B3GALNT2: variants seen among roughly 807,000 people sequenced by gnomAD.
The protein encoded by B3GALNT2 is beta-1,3-N-acetylgalactosaminyltransferase 2, also known as UDP-GalNAc:beta-1,3-N-acetylgalactosaminyltransferase 2.
B3GALNT2 carries 53 observed loss-of-function variants against 61.1 expected under a neutral mutation model. That is an observed-to-expected ratio of 0.87 (90% CI 0.70 to 1.09). The LOEUF is 1.09. Among genes scored for constraint, B3GALNT2 ranks in the 50% least tolerant of loss-of-function variants. The pLI is 0.00. For synonymous variants in B3GALNT2, 223 were observed against 237.4 expected, an observed-to-expected ratio of 0.94 and a Z score of 0.56; for missense variants, 544 against 623.0, an observed-to-expected ratio of 0.87 and a Z score of 1.35.
At chr1:235,477,655 TAGCAG>T (rs1365823913) in intron 5 of B3GALNT2, among the ~76,000 whole-genome samples, 1 of 152,066 alleles carries the variant, frequency 6.6e-6, no homozygotes, top group Non-Finnish European at 1.5e-5. Flanking sequence ...GCAGGATGTT[TAGCAG>T]AATCCCTGTC....
rs1292144887 is a variant in B3GALNT2, at chr1:235,494,976, C to T, written c.113-148G>A. ...AAAGAATTTTTAAATCACATATGAA[C>T]CCACTATCCAGAGACAACCACTAAT... On this transcript the variant is annotated intron_variant, in intron 1 of 11. Transcript: ENST00000366600. 6 of 840,386 alleles carry T rather than the reference C, an allele frequency of 7.1e-6. No individual in the cohort carries two copies. In the South Asian group the frequency reaches 1.0e-4, roughly 14 times the overall value. 52.1% of individuals were successfully genotyped at this position (840,386 alleles called of 1,614,324 possible).
intron 1 of B3GALNT2, among the ~76,000 whole-genome samples, chr1:235,497,505 T>C (rs569035932): frequency 1.3e-5 from 2 of 152,364 alleles, no homozygotes; most frequent in Admixed American, 6.5e-5. Context: ...GCCTCATTTA[T>C]CTGACATCAT....
rs78566516 is a variant in B3GALNT2 at position 235,459,107 on chromosome 1, G to A, written c.842-321C>T. Among the ~76,000 whole-genome samples the A allele has an allele frequency of 2.5e-4, 38 of 151,628 alleles. No homozygotes were observed. In the East Asian group the frequency reaches 6.8e-3, roughly 27 times the overall value. ...ATTAATTACAGCATTGTTTGTAATT[G>A]TGGAAGAAAAATGGGACCAACCTAA... On this transcript the variant is annotated intron_variant, in intron 7 of 11. Coordinates refer to ENST00000366600, the MANE Select transcript of B3GALNT2 (RefSeq NM_152490.5).
chr1:235,473,497 G>C (rs865857981), intron 5 of B3GALNT2, among the ~76,000 whole-genome samples: 4 of 152,176 alleles, frequency 2.6e-5, no homozygotes, highest in African/African-American at 9.7e-5. Context: ...GGTTACCCAA[G>C]ATTAAAAATA....
In B3GALNT2 at chr1:235,489,170, G is replaced by A. The variant is rs750173247; in HGVS notation, c.359C>T (p.Pro120Leu). The A allele has an allele frequency of 5.0e-6, 8 of 1,613,582 alleles. No homozygotes were observed. In the South Asian group the frequency reaches 8.8e-5, roughly 18 times the overall value. The change falls in exon 3 of 12, where the codon CCA becomes CTA. Residue 120 changes from proline (P) to leucine (L), a missense_variant and splice_region_variant. Transcript: ENST00000366600. ...YSCKLLNITN[P>L]VLNQEIEAFS... ...AGTCAAGGGAAAAGATGACTTACCT[G>A]GATTTGTGATGTTGAGTAGTTTACA...
At chr1:235,458,498 A>G in intron 8 of B3GALNT2, 105 bp downstream of exon 8, 1 of 1,419,122 alleles carries the variant, frequency 7.0e-7, no homozygotes, top group Non-Finnish European at 9.2e-7. Context: ...CAGCCTAGGA[A>G]ACCCCTAGTA....
chr1:235,485,339 ACAGTCACC>A (rs1291413090), intron 3 of B3GALNT2, among the ~76,000 whole-genome samples: 1 of 152,170 alleles, frequency 6.6e-6, no homozygotes. Context: ...TTTTTTTGAG[ACAGTCACC>A]CAGTCACCCA....
intron 8 of B3GALNT2, among the ~76,000 whole-genome samples, chr1:235,457,111 AAAATAAAT>A (rs10668990): frequency 7.4e-5 from 11 of 149,350 alleles, no homozygotes; most frequent in East Asian, 2.0e-4. Flanking sequence ...TTTCTATTAA[AAAATAAAT>A]AAATAAATAA....
At chr1:235,442,796 T>C, downstream of B3GALNT2, 1 of 1,552,124 alleles carries the variant, frequency 6.4e-7, no homozygotes, top group Non-Finnish European at 8.8e-7. Context: ...GTGTGGATAA[T>C]TTAAATCCAT....
rs751975580 is a variant in B3GALNT2, at chr1:235,450,177, A to AT, written c.*28dup. ...CTCAGATTATCGTTTGCCTGCCCTG[A>AT]TTTTAGACTCTGCTAATTCAAGTCC... On this transcript the variant is annotated 3_prime_UTR_variant, in exon 12 of 12. Transcript: ENST00000366600. The AT allele has an allele frequency of 6.2e-7, 1 of 1,613,666 alleles. No individual in the cohort carries two copies. Among genetic ancestry groups the AT allele is most frequent in the Non-Finnish European group, 8.5e-7 (1 of 1,179,668 alleles).
intron 2 of B3GALNT2, among the ~76,000 whole-genome samples, chr1:235,493,150 T>C (rs1685159659): frequency 6.6e-6 from 1 of 151,832 alleles, no homozygotes. Context: ...CTAGATCAGA[T>C]GGCAGTGGTA....
At chr1:235,465,561 A>T (rs1167048606) in intron 7 of B3GALNT2, 75 bp downstream of exon 7, 1 of 1,553,610 alleles carries the variant, frequency 6.4e-7, no homozygotes, top group East Asian at 2.3e-5. Context: ...AAAAGAAAAA[A>T]TCCTTTTCTC....
chr1:235,494,937 G>T, intron 1 of B3GALNT2, 109 bp from the exon 2 acceptor site: 1 of 1,109,160 alleles, frequency 9.0e-7, no homozygotes, highest in Non-Finnish European at 1.2e-6. Context: ...AGGAAATTCA[G>T]ATAAACACAA....
intron 10 of B3GALNT2, among the ~76,000 whole-genome samples, chr1:235,453,481 A>T (rs1683023865): frequency 6.6e-6 from 1 of 151,072 alleles, no homozygotes; most frequent in Non-Finnish European, 1.5e-5. Flanking sequence ...TTTGAGACAG[A>T]GTGTCCCTCT....
At position 235,480,161 on chromosome 1, in the gene B3GALNT2, G is replaced by A. The variant is rs760936151; in HGVS notation, c.556-12C>T. 3 of 1,611,828 alleles carry A rather than the reference G, an allele frequency of 1.9e-6. No individual in the cohort carries two copies. Among genetic ancestry groups the A allele is most frequent in the Non-Finnish European group, 2.5e-6 (3 of 1,179,102 alleles). ...ATGAAGAGGGCCTCCTACAAATTGG[G>A]AGAAAAAGACAAGAAAAAATACTTC... is the stretch of plus-strand genomic sequence containing the variant. On this transcript the variant is annotated splice_polypyrimidine_tract_variant and intron_variant, in intron 4 of 11. Coordinates refer to ENST00000366600, the MANE Select transcript of B3GALNT2 (RefSeq NM_152490.5).
chr1:235,474,974 TA>T (rs1558425332), intron 5 of B3GALNT2, among the ~76,000 whole-genome samples: 958 of 34,630 alleles, frequency 0.028, 27 homozygotes, highest in African/African-American at 0.086. Flanking sequence ...TATATATATA[TA>T]TATATATATA....
At chr1:235,503,667 G>A (rs1685687541) in intron 1 of B3GALNT2, among the ~76,000 whole-genome samples, 1 of 152,168 alleles carries the variant, frequency 6.6e-6, no homozygotes, top group African/African-American at 2.4e-5. Context: ...GCAAAACCGA[G>A]CCACCTTTGA....
At chr1:235,464,836 TA>T (rs896277968) in intron 7 of B3GALNT2, 6 of 152,296 alleles carry the variant, frequency 3.9e-5, no homozygotes, top group African/African-American at 1.2e-4. Flanking sequence ...TCAACATCAT[TA>T]GTTATTATGG....
At chr1:235,493,400 A>G (rs1162605559) in intron 2 of B3GALNT2, among the ~76,000 whole-genome samples, 1 of 152,184 alleles carries the variant, frequency 6.6e-6, no homozygotes, top group African/African-American at 2.4e-5. Context: ...AATAGGCTCT[A>G]TTATCATTGC....
Sources: gnomAD v4.1 joint callset for allele counts (sites outside exome capture counted in the v4.1 genomes callset) on GRCh38, gnomAD v4.1.1 for gene constraint, MANE v1.5 for transcripts, NCBI Gene and HGNC (gene_info 2026-07-23, HGNC 2026-07-21) for gene names.